PNLIPRP1: variants seen among roughly 807,000 people sequenced by gnomAD.
The protein encoded by PNLIPRP1 is inactive pancreatic lipase-related protein 1.
A neutral mutation model predicts 54.6 loss-of-function variants in PNLIPRP1; 57 were observed. That is an observed-to-expected ratio of 1.04 (90% CI 0.84 to 1.30). The LOEUF (loss-of-function observed/expected upper bound fraction) is 1.30, where lower values mean the gene tolerates loss of function less well. PNLIPRP1 is among the 50% of genes most tolerant of loss of function. The probability of loss-of-function intolerance (pLI) is 0.00; values close to 1 mark genes in which losing one functional copy is unlikely to be tolerated. For missense variants in PNLIPRP1, 567 were observed against 568.5 expected (o/e 1.00, Z 0.03); for synonymous variants, 232 against 208.8 (o/e 1.11, Z -0.96).
intron 6 of PNLIPRP1, 58 bp from the exon 7 acceptor site, chr10:116,597,770 G>T: frequency 6.2e-7 from 1 of 1,608,998 alleles, no homozygotes; most frequent in South Asian, 1.1e-5. Flanking sequence ...GTACACCTTG[G>T]TGCTGCTGAC....
chr10:116,593,058 C>A (rs1847668594), intron 4 of PNLIPRP1: 2 of 173,162 alleles, frequency 1.2e-5, no homozygotes, highest in South Asian at 2.7e-4. Context: ...GTCCCAGCTA[C>A]TTGGGAGGCT....
At chr10:116,591,994 T>C (rs919896391) in intron 3 of PNLIPRP1, 69 bp downstream of exon 3, 6 of 1,527,384 alleles carry the variant, frequency 3.9e-6, no homozygotes, top group Middle Eastern at 3.5e-4. Context: ...AGACCATGAA[T>C]ACCTTATCTC....
rs142908624 is a variant in PNLIPRP1, at chr10:116,591,796, C to T, written c.75C>T (p.Leu25=). ...AKGKEVCYED[L]GCFSDTEPWG... The stretch of plus-strand genomic sequence containing the variant: ...GAAAAGAAGTTTGCTATGAGGACCT[C>T]GGGTGCTTTTCTGACACTGAGCCCT... The change falls in exon 3 of 13, where the codon CTC becomes CTT. Residue 25 remains leucine (L), a synonymous_variant. Transcript: ENST00000358834. The T allele has an allele frequency of 3.9e-4, 627 of 1,614,072 alleles. No homozygotes were observed. Among genetic ancestry groups the T allele is most frequent in the Non-Finnish European group, 5.1e-4 (596 of 1,180,048 alleles).
rs782343127 is a variant in PNLIPRP1 at position 116,592,589 on chromosome 10, G to C, written c.330+48G>C. ...GTGGCCAGCTGAGGCCAACACTTCTGCTAACATCTCTGCATCACTTTATGC... is the reference window on the plus strand; with the variant it reads ...GTGGCCAGCTGAGGCCAACACTTCTCCTAACATCTCTGCATCACTTTATGC... On this transcript the variant is annotated intron_variant, in intron 4 of 12. Coordinates refer to ENST00000358834, the MANE Select transcript of PNLIPRP1 (RefSeq NM_006229.4). 11 of 1,610,488 alleles carry C rather than the reference G, an allele frequency of 6.8e-6. No individual in the cohort carries two copies. In the Admixed American group the frequency reaches 1.8e-4, roughly 27 times the overall value.
chr10:116,604,447 T>C (rs542450777), intron 11 of PNLIPRP1, among the ~76,000 whole-genome samples: 2 of 152,306 alleles, frequency 1.3e-5, no homozygotes, highest in South Asian at 2.1e-4. Context: ...CTAGGAGCAA[T>C]AGGCTGTACC....
chr10:116,599,255 CGAAAATAAAATAAAA>C (rs1270406870), intron 8 of PNLIPRP1, among the ~76,000 whole-genome samples: 2 of 61,186 alleles, frequency 3.3e-5, no homozygotes, highest in African/African-American at 9.5e-5. Flanking sequence ...AACTCCATCT[CGAAAATAAAATAAAA>C]TAAAATAAAA....
At position 116,600,056 on chromosome 10, in the gene PNLIPRP1, A is replaced by G. The variant is rs782387571; in HGVS notation, c.824A>G (p.Asp275Gly). ...TTATTTGTTTTCCCAGGAACCCGGG[A>G]CTTTGTGGCTTGCAATCACCTAAGA... ...DLDGIWAGTR[D>G]FVACNHLRSY... Residue 275 changes from aspartate (D) to glycine (G), a missense_variant, in exon 9 of 13, where the codon GAC becomes GGC. Coordinates refer to ENST00000358834, the MANE Select transcript of PNLIPRP1 (RefSeq NM_006229.4). 3 of 1,612,954 alleles carry G rather than the reference A, an allele frequency of 1.9e-6. No homozygotes were observed. The East Asian group carries it at 6.7e-5, about 36-fold the overall frequency.
At position 116,591,893 on chromosome 10, in the gene PNLIPRP1, C is replaced by G; in HGVS notation, c.172C>G (p.Leu58Val). The G allele has an allele frequency of 6.2e-7, 1 of 1,614,202 alleles. No individual in the cohort carries two copies. The highest frequency in any genetic ancestry group is 8.5e-7 in the Non-Finnish European group (1 of 1,180,036). ...TGAGAAGATCGGCACCCGCTTCCTG[C>G]TGTACACCAATGAAAACCCAAACAA... Reference protein sequence around the residue: ...SPEKIGTRFLLYTNENPNNFQ... With the variant: ...SPEKIGTRFLVYTNENPNNFQ... Residue 58 changes from leucine to valine, a missense_variant, in exon 3 of 13, where the codon CTG becomes GTG. Leu to Val is a conservative substitution (Grantham distance 32). Coordinates refer to ENST00000358834, the MANE Select transcript of PNLIPRP1 (RefSeq NM_006229.4).
chr10:116,594,568 C>T, intron 4 of PNLIPRP1, 162 bp from the exon 5 acceptor site: 1 of 756,458 alleles, frequency 1.3e-6, no homozygotes, highest in African/African-American at 1.7e-5. Flanking sequence ...AGCATTCACC[C>T]TGAAGGATAA....
At chr10:116,606,247 T>C (rs574865494) in intron 12 of PNLIPRP1, among the ~76,000 whole-genome samples, 4 of 152,092 alleles carry the variant, frequency 2.6e-5, no homozygotes, top group Admixed American at 2.0e-4. Flanking sequence ...GTCCCAGAGA[T>C]TGTCACTCCC....
intron 12 of PNLIPRP1, 109 bp downstream of exon 12, chr10:116,605,662 T>C: frequency 1.4e-6 from 1 of 740,154 alleles, no homozygotes; most frequent in Non-Finnish European, 2.1e-6. Context: ...GCCAAGAAAA[T>C]TTACCCATCT....
intron 8 of PNLIPRP1, among the ~76,000 whole-genome samples, chr10:116,598,985 T>C (rs936943181): frequency 6.6e-6 from 1 of 152,198 alleles, no homozygotes; most frequent in African/African-American, 2.4e-5. Context: ...CCAGCTGTGG[T>C]GGCTCACGCC....
At chr10:116,605,591 C>T (rs781810439) in intron 12 of PNLIPRP1, 38 bp downstream of exon 12, 1 of 1,401,846 alleles carries the variant, frequency 7.1e-7, no homozygotes, top group South Asian at 1.7e-5. Context: ...AAAATGTTTG[C>T]AGAGATTCAT....
intron 6 of PNLIPRP1, among the ~76,000 whole-genome samples, chr10:116,596,721 A>G (rs1340316440): frequency 7.9e-5 from 12 of 152,202 alleles, no homozygotes. Context: ...AGGGCAGAAT[A>G]GAACCTAAAA....
At chr10:116,599,868 C>CT (rs1554864512) in intron 8 of PNLIPRP1, among the ~76,000 whole-genome samples, 179 bp from the exon 9 acceptor site, 1 of 152,146 alleles carries the variant, frequency 6.6e-6, no homozygotes, top group Admixed American at 6.5e-5. Flanking sequence ...AGAATGTTGC[C>CT]TTGTACACAG....
chr10:116,605,732 C>T (rs1444330572), intron 12 of PNLIPRP1, among the ~76,000 whole-genome samples, 179 bp downstream of exon 12: 1 of 152,170 alleles, frequency 6.6e-6, no homozygotes, highest in Non-Finnish European at 1.5e-5. Flanking sequence ...CTGTTGGGTG[C>T]ACCTTATTGG....
intron 9 of PNLIPRP1, 193 bp downstream of exon 9, chr10:116,600,358 G>T (rs1406893329): frequency 4.1e-6 from 2 of 491,602 alleles, no homozygotes; most frequent in Non-Finnish European, 7.3e-6. Flanking sequence ...TAGATGACAT[G>T]AGTTATGTGG....
intron 3 of PNLIPRP1, 55 bp from the exon 4 acceptor site, chr10:116,592,361 A>G (rs782202755): frequency 6.5e-7 from 1 of 1,534,222 alleles, no homozygotes. Context: ...GAGGAAGGAA[A>G]AAGGCCTGTG....
chr10:116,607,349 T>A (rs2133244721), intron 12 of PNLIPRP1, among the ~76,000 whole-genome samples: 1 of 152,210 alleles, frequency 6.6e-6, no homozygotes, highest in Middle Eastern at 3.4e-3. Flanking sequence ...GAGCTTACAG[T>A]TCAGCTGTTG....
Sources: allele counts gnomAD v4.1 joint callset (sites outside exome capture counted in the v4.1 genomes callset), GRCh38; gene constraint gnomAD v4.1.1; transcripts MANE v1.5; gene names NCBI Gene and HGNC (gene_info 2026-07-23, HGNC 2026-07-21).